ORAI2: variants seen among roughly 807,000 people sequenced by gnomAD.
The protein encoded by ORAI2 is ORAI calcium release-activated calcium modulator 2.
A neutral mutation model predicts 16.2 loss-of-function variants in ORAI2; 10 were observed. The ratio of observed to expected loss-of-function variants is 0.62; its 90% CI spans 0.38 to 1.04. The LOEUF is 1.04. Ranked by LOEUF, ORAI2 falls within the 50% of genes least tolerant of loss-of-function variation. The pLI, the probability that ORAI2 is intolerant of heterozygous loss-of-function variation, is 0.01. For missense variants in ORAI2, 238 were observed against 355.5 expected, an observed-to-expected ratio of 0.67 and a Z score of 2.66; for synonymous variants, 150 against 157.5, an observed-to-expected ratio of 0.95 and a Z score of 0.35.
chr7:102,443,110 CTTCTTCTTCTTCTTCTTCTTCTT>C (rs1454334048), intron 3 of ORAI2, among the ~76,000 whole-genome samples: 52 of 117,464 alleles, frequency 4.4e-4, no homozygotes, highest in Middle Eastern at 3.8e-3. Flanking sequence ...TCTTCTTCTT[CTTCTTCTTCTTCTTCTTCTTCTT>C]TTTTTTTTTT....
chr7:102,446,697 C>T lies in ORAI2; in HGVS notation c.410C>T (p.Ser137Phe). ...NIHNLNSISE[S>F]PHERMHPYIE... is the part of the protein sequence containing the mutation. ...CACAACCTGAACTCCATCAGCGAGT[C>T]CCCGCATGAGCGCATGCACCCCTAC... The change falls in exon 4 of 4, where the codon TCC becomes TTC. Residue 137 changes from serine to phenylalanine, a missense_variant. Ser to Phe is a radical substitution (Grantham distance 155, BLOSUM62 -2). Around this residue, in one of 3 missense-constraint regions of ORAI2, gnomAD observed 176 missense variants for 265.9 expected, o/e 0.66. Coordinates refer to ENST00000495936, the MANE Select transcript of ORAI2 (RefSeq NM_001126340.3). 6.2e-7 allele frequency: 1 copy of T among 1,614,220 alleles called. No homozygotes were observed. Among genetic ancestry groups the T allele is most frequent in the Non-Finnish European group, 8.5e-7 (1 of 1,180,034 alleles).
chr7:102,434,947 T>C (rs1797023176), intron 1 of ORAI2, among the ~76,000 whole-genome samples: 1 of 152,184 alleles, frequency 6.6e-6, no homozygotes, highest in Non-Finnish European at 1.5e-5. Context: ...CAGCATCTTG[T>C]CTTTGAGGAA....
At position 102,439,181 on chromosome 7, in the gene ORAI2, G is replaced by A; in HGVS notation, c.225G>A (p.Met75Ile). ...CCGCCCTCCTCTCCGGCTTTGCCAT[G>A]GTGAGTGTGGGCGCCAAGTGAGGAG... ...RTSALLSGFA[M>I]VAMVEVQLET... The change falls in exon 3 of 4, where the codon ATG (methionine) becomes ATA (isoleucine). Residue 75 changes from methionine to isoleucine, a missense_variant and splice_region_variant. This residue lies in a region of ORAI2 where 176 missense variants were observed against 265.9 expected (regional missense o/e 0.66). Coordinates refer to ENST00000495936, the MANE Select transcript of ORAI2 (RefSeq NM_001126340.3). The A allele has an allele frequency of 6.2e-7, 1 of 1,612,750 alleles. No individual in the cohort carries two copies. Among genetic ancestry groups the A allele is most frequent in the Non-Finnish European group, 8.5e-7 (1 of 1,179,454 alleles).
Position 102,452,798 on chromosome 7 carries a change from GTTTGT to G in ORAI2, c.*5770_*5774del, listed in dbSNP as rs144823557. On this transcript the variant is annotated 3_prime_UTR_variant, in exon 4 of 4. Coordinates refer to ENST00000495936, the MANE Select transcript of ORAI2 (RefSeq NM_001126340.3). ...GGCCCTCTTCTAGGAAAGAATTTCT[GTTTGT>G]TTTGTTTTGTTTTGTTTTGTTTTTT... The G allele has an allele frequency of 0.12, 18,848 of 151,586 alleles. 1,914 individuals are homozygous for G. The highest frequency in any genetic ancestry group is 0.41 in the East Asian group (2,085 of 5,050). 9.4% of individuals were successfully genotyped at this position (151,586 alleles called of 1,614,324 possible).
rs1330178538 is a variant in ORAI2 at position 102,436,314 on chromosome 7, G to T, written c.-33G>T. On this transcript the variant is annotated 5_prime_UTR_variant, in exon 2 of 4. Transcript: ENST00000495936. ...GAGATGGGATGGAGAGCCTGAGTTG[G>T]CATTCGTATAAATGACCTGGTAATT... 1 of 985,546 alleles carries T rather than the reference G, an allele frequency of 1.0e-6. No homozygotes were observed. The highest frequency in any genetic ancestry group is 1.7e-5 in the African/African-American group (1 of 57,326). The allele number at this position is 985,546 out of a possible 1,614,324, so 61.1% of individuals were successfully genotyped here.
rs1441692414 is a variant in ORAI2 at position 102,449,031 on chromosome 7, G to T, written c.*1979G>T. ...GGAAATGTGGCTGCAGCAGAGAACA[G>T]AGACCCTGACATGCAGTTTTCCGTG... On this transcript the variant is annotated 3_prime_UTR_variant, in exon 4 of 4. Transcript: ENST00000495936. 1 of 152,188 alleles carries T rather than the reference G, an allele frequency of 6.6e-6. No homozygotes were observed. Among genetic ancestry groups the T allele is most frequent in the African/African-American group, 2.4e-5 (1 of 41,430 alleles). 9.4% of individuals were successfully genotyped at this position (152,188 alleles called of 1,614,324 possible).
At chr7:102,445,817 T>TCCTC (rs989200570) in intron 3 of ORAI2, among the ~76,000 whole-genome samples, 4 of 151,924 alleles carry the variant, frequency 2.6e-5, no homozygotes, top group African/African-American at 7.2e-5. Flanking sequence ...CTTCCTTCCT[T>TCCTC]CCTCCCTCCC....
chr7:102,435,945 C>T (rs1797047115), intron 1 of ORAI2, among the ~76,000 whole-genome samples: 1 of 152,158 alleles, frequency 6.6e-6, no homozygotes, highest in African/African-American at 2.4e-5. Flanking sequence ...CCTTACCTTG[C>T]TCCCCTACTG....
intron 2 of ORAI2, among the ~76,000 whole-genome samples, chr7:102,436,702 CT>C (rs1293165715): frequency 6.6e-6 from 1 of 151,918 alleles, no homozygotes; most frequent in Non-Finnish European, 1.5e-5. Context: ...CTTTTCGTTT[CT>C]TTTTTTTCTT....
At chr7:102,444,957 G>A (rs535591806) in intron 3 of ORAI2, among the ~76,000 whole-genome samples, 6 of 152,028 alleles carry the variant, frequency 3.9e-5, no homozygotes, top group Admixed American at 2.0e-4. Flanking sequence ...GTGAGCCACC[G>A]CGCCTGGCTG....
rs1563639428 is a variant in ORAI2, at chr7:102,447,029, G to C, written c.742G>C (p.Glu248Gln). The C allele has an allele frequency of 6.4e-7, 1 of 1,553,142 alleles. No homozygotes were observed. The highest frequency in any genetic ancestry group is 2.4e-5 in the East Asian group (1 of 41,484). Residue 248 changes from glutamate to glutamine, a missense_variant, in exon 4 of 4, where the codon GAG (glutamate) becomes CAG (glutamine). By Grantham distance (29) the Glu-to-Gln change is conservative. Around this residue, in one of 3 missense-constraint regions of ORAI2, gnomAD observed 176 missense variants for 265.9 expected, o/e 0.66. Coordinates refer to ENST00000495936, the MANE Select transcript of ORAI2 (RefSeq NM_001126340.3). ...GCTCAAGGTCCAGCTGGACGGGCAT[G>C]AGCGCAGCCTGCAGGTCTTGTGAGG... Reference protein sequence around the residue: ...HKLKVQLDGHERSLQVL With the variant: ...HKLKVQLDGHQRSLQVL
chr7:102,444,665 C>T (rs1226884680), intron 3 of ORAI2, among the ~76,000 whole-genome samples: 10 of 118,008 alleles, frequency 8.5e-5, no homozygotes, highest in Middle Eastern at 5.1e-3. Context: ...CAGGCTTCTT[C>T]TTTTTTTTTT....
rs778410121 is a variant in ORAI2, at chr7:102,437,298, T to C, written c.-14+965T>C. 5.3e-5 allele frequency among the ~76,000 whole-genome samples: 8 copies of C among 152,162 alleles called. 1 individual carries two copies. The highest frequency in any genetic ancestry group is 1.0e-4 in the Non-Finnish European group (7 of 68,030). On this transcript the variant is annotated intron_variant, in intron 2 of 3. Coordinates refer to ENST00000495936, the MANE Select transcript of ORAI2 (RefSeq NM_001126340.3). Reference sequence around the variant, plus strand: ...AGTTATGTAAGTCCAATATTTTTCTTAGGGTGAACTGTACTGATCAAAATT... The same window carrying C: ...AGTTATGTAAGTCCAATATTTTTCTCAGGGTGAACTGTACTGATCAAAATT...
intron 3 of ORAI2, among the ~76,000 whole-genome samples, chr7:102,445,480 C>A (rs557648159): frequency 1.3e-5 from 2 of 151,906 alleles, no homozygotes; most frequent in African/African-American, 4.8e-5. Context: ...GACGAGGTCT[C>A]ACTCTGTCAC....
chr7:102,434,074 G>T (rs1258736344), intron 1 of ORAI2, among the ~76,000 whole-genome samples: 1 of 149,940 alleles, frequency 6.7e-6, no homozygotes, highest in East Asian at 2.0e-4. Flanking sequence ...CTAGAGAGGG[G>T]ATCGCGTTAT....
In ORAI2 at chr7:102,449,037, C is replaced by G. The variant is rs1358125188; in HGVS notation, c.*1985C>G. ...GTGGCTGCAGCAGAGAACAGAGACC[C>G]TGACATGCAGTTTTCCGTGCTGAGG... On this transcript the variant is annotated 3_prime_UTR_variant, in exon 4 of 4. Coordinates refer to ENST00000495936, the MANE Select transcript of ORAI2 (RefSeq NM_001126340.3). 1.3e-5 allele frequency: 2 copies of G among 152,284 alleles called. No homozygotes were observed. Among genetic ancestry groups the G allele is most frequent in the East Asian group, 1.9e-4 (1 of 5,172 alleles). 9.4% of individuals were successfully genotyped at this position (152,284 alleles called of 1,614,324 possible).
At chr7:102,442,968 C>T (rs932320247) in intron 3 of ORAI2, among the ~76,000 whole-genome samples, 3 of 151,262 alleles carry the variant, frequency 2.0e-5, no homozygotes, top group Non-Finnish European at 2.9e-5. Context: ...TGCAGTGAGC[C>T]GAGACAGCGC....
At chr7:102,436,600 C>T (rs554989713) in intron 2 of ORAI2, among the ~76,000 whole-genome samples, 3 of 152,306 alleles carry the variant, frequency 2.0e-5, no homozygotes, top group Admixed American at 6.5e-5. Flanking sequence ...ACCCCAGCCA[C>T]GCTCCCTGGG....
At position 102,440,166 on chromosome 7, in the gene ORAI2, C is replaced by T. The variant is rs572942102; in HGVS notation, c.225+985C>T. ...GTTTCCTGAGAAAAGGCGCCCATGTCTGCCCCGTCTCAGGCACCACCCAAA... is the reference window on the plus strand; with the variant it reads ...GTTTCCTGAGAAAAGGCGCCCATGTTTGCCCCGTCTCAGGCACCACCCAAA... On this transcript the variant is annotated intron_variant, in intron 3 of 3. Transcript: ENST00000495936. Among the ~76,000 whole-genome samples the T allele has an allele frequency of 1.6e-4, 25 of 152,320 alleles. No individual in the cohort carries two copies. In the South Asian group the frequency reaches 5.0e-3, roughly 30 times the overall value.
Sources: gnomAD v4.1 joint callset for allele counts (sites outside exome capture counted in the v4.1 genomes callset) on GRCh38, gnomAD v4.1.1 for gene constraint, gnomAD v4.1.1 regional missense constraint, MANE v1.5 for transcripts, NCBI Gene and HGNC (gene_info 2026-07-23, HGNC 2026-07-21) for gene names.